The following SIGLEC8 variants were observed in gnomAD, a reference collection of about 807,000 sequenced individuals.
SIGLEC8 encodes sialic acid binding Ig like lectin 8, also known as sialic acid-binding Ig-like lectin 8.
A neutral mutation model predicts 42.1 loss-of-function variants in SIGLEC8; 32 were observed. That is an observed-to-expected ratio of 0.76 (90% CI 0.57 to 1.02). The LOEUF (loss-of-function observed/expected upper bound fraction) is 1.02, where lower values mean the gene tolerates loss of function less well. SIGLEC8 is among the 50% of genes least tolerant of loss of function. The pLI is 0.00. For synonymous variants in SIGLEC8, 262 were observed against 260.3 expected (o/e 1.01, Z -0.06); for missense variants, 611 against 610.2 (o/e 1.00, Z -0.01).
Position 51,457,475 on chromosome 19 carries a change from C to A in SIGLEC8, c.719G>T (p.Arg240Leu), listed in dbSNP as rs370112420. The A allele has an allele frequency of 5.0e-6, 8 of 1,613,696 alleles. No individual in the cohort carries two copies. Among genetic ancestry groups the A allele is most frequent in the Middle Eastern group, 3.5e-4 (2 of 5,714 alleles). The change falls in exon 2 of 7, where the codon CGC becomes CTC. Residue 240 changes from arginine (R) to leucine (L), a missense_variant. Coordinates refer to ENST00000321424, the MANE Select transcript of SIGLEC8 (RefSeq NM_014442.3). Reference sequence around the variant, plus strand: ...CCAGCACTCACAGGACACATCGAGGCGGACGGTACTGGTCGTGGTCACACC... The same window carrying A: ...CCAGCACTCACAGGACACATCGAGGAGGACGGTACTGGTCGTGGTCACACC... Reference protein sequence around the residue: ...GTGVTTTSTVRLDVSYPPWNL... With the variant: ...GTGVTTTSTVLLDVSYPPWNL...
intron 4 of SIGLEC8, among the ~76,000 whole-genome samples, chr19:51,455,101 T>C (rs1185183059): frequency 6.6e-6 from 1 of 152,240 alleles, no homozygotes; most frequent in African/African-American, 2.4e-5. Flanking sequence ...TTCTTTGGCT[T>C]CTTAAATTTG....
Position 51,454,159 on chromosome 19 carries a change from G to C in SIGLEC8, c.1245+60C>G. The C allele has an allele frequency of 1.9e-6, 3 of 1,608,422 alleles. No homozygotes were observed. Among genetic ancestry groups the C allele is most frequent in the Non-Finnish European group, 2.5e-6 (3 of 1,176,904 alleles). On this transcript the variant is annotated intron_variant, in intron 6 of 6. Transcript: ENST00000321424. The surrounding 1 kb of genome is among the most constrained non-coding windows in gnomAD (Gnocchi z 4.7). ...CATACCAAAGAGAGCGATCCTGGGG[G>C]CCATCCTGTCAGAGGTGTCCAGGCT...
Position 51,457,563 on chromosome 19 carries a change from G to T in SIGLEC8, c.631C>A (p.Leu211Ile). The T allele has an allele frequency of 1.9e-6, 3 of 1,613,972 alleles. No individual in the cohort carries two copies. Among genetic ancestry groups the T allele is most frequent in the Non-Finnish European group, 2.5e-6 (3 of 1,179,964 alleles). ...CCGTGGTCCTGGGGCTTTGGGGTAA[G>T]GGTGAGCACTGAGGAGCGGGCAGTA... ...PTTARSSVLTLTPKPQDHGTS... is the reference protein window; with the variant it reads ...PTTARSSVLTITPKPQDHGTS... The change falls in exon 2 of 7, where the codon CTT (leucine) becomes ATT (isoleucine). Residue 211 changes from leucine (L) to isoleucine (I), a missense_variant. Physicochemically the swap from Leu to Ile is conservative, Grantham distance 5 (BLOSUM62 2). Coordinates refer to ENST00000321424, the MANE Select transcript of SIGLEC8 (RefSeq NM_014442.3).
chr19:51,453,806 G>A (rs1181736359), intron 6 of SIGLEC8: 1 of 984,964 alleles, frequency 1.0e-6, no homozygotes, highest in African/African-American at 1.7e-5. Flanking sequence ...CATGATACCT[G>A]ACCTGGGGAA....
At chr19:51,457,839 T>G (rs1280535338) in intron 1 of SIGLEC8, 95 bp downstream of exon 1, 1 of 1,550,096 alleles carries the variant, frequency 6.5e-7, no homozygotes, top group Non-Finnish European at 8.8e-7. Context: ...GACCGACTTA[T>G]TTCAATCCCA....
At position 51,457,224 on chromosome 19, in the gene SIGLEC8, A is replaced by C; in HGVS notation, c.741T>G (p.Pro247=). The change falls in exon 3 of 7, where the codon CCT becomes CCG. Residue 247 remains proline (P), a synonymous_variant. Coordinates refer to ENST00000321424, the MANE Select transcript of SIGLEC8 (RefSeq NM_014442.3). ...GGAAGACAGTCATGGTCAAGTTCCA[A>C]GGAGGGTCTGGGACAGAAAGACATG... ...STVRLDVSYP[P]WNLTMTVFQG... is the part of the protein sequence containing the mutation. The C allele has an allele frequency of 6.2e-7, 1 of 1,613,722 alleles. No homozygotes were observed. The highest frequency in any genetic ancestry group is 1.1e-5 in the South Asian group (1 of 91,072).
At chr19:51,455,376 G>A (rs1989463853) in intron 4 of SIGLEC8, 42 bp downstream of exon 4, 1 of 1,603,024 alleles carries the variant, frequency 6.2e-7, no homozygotes, top group African/African-American at 1.3e-5. Context: ...CCATGAGGGT[G>A]GGGCAGGTGT....
chr19:51,457,280 AT>A (rs778149726), intron 2 of SIGLEC8, 49 bp from the exon 3 acceptor site: 2 of 1,574,788 alleles, frequency 1.3e-6, no homozygotes, highest in Non-Finnish European at 1.7e-6. Flanking sequence ...GACTGGGGAC[AT>A]TGGCCCTGTC....
In SIGLEC8 at chr19:51,458,049, G is replaced by A. The variant is rs990419882; in HGVS notation, c.339C>T (p.Asp113=). ...WSNDCSLSIR[D]ARKRDKGSYF... is the part of the protein sequence containing the mutation. ...ATGACCCCTTATCCCTCTTCCTGGC[G>A]TCTCTGATGCTCAGGGAGCAGTCGT... Residue 113 remains aspartate (D), a synonymous_variant, in exon 1 of 7, where the codon GAC becomes GAT. Transcript: ENST00000321424. The A allele has an allele frequency of 9.9e-6, 16 of 1,613,970 alleles. No homozygotes were observed. Among genetic ancestry groups the A allele is most frequent in the Admixed American group, 5.0e-5 (3 of 60,000 alleles).
rs758446627 is a variant in SIGLEC8 at position 51,455,656 on chromosome 19, A to G, written c.813T>C (p.Leu271=). The G allele has an allele frequency of 6.2e-6, 10 of 1,613,656 alleles. No individual in the cohort carries two copies. Among genetic ancestry groups the G allele is most frequent in the African/African-American group, 1.3e-5 (1 of 74,932 alleles). ...ASTALGNGSS[L]SVLEGQSLRL... ...GCAGAGACTGGCCCTCAAGGACTGAAAGAGATGAGCCATTTCCCAGGGCTG... is the reference window on the plus strand; with the variant it reads ...GCAGAGACTGGCCCTCAAGGACTGAGAGAGATGAGCCATTTCCCAGGGCTG... The change falls in exon 4 of 7, where the codon CTT becomes CTC. Residue 271 remains leucine (L), a synonymous_variant. Transcript: ENST00000321424.
Position 51,455,627 on chromosome 19 carries a change from A to G in SIGLEC8, c.842T>C (p.Leu281Pro). Reference sequence around the variant, plus strand: ...GGGATTGCTGTTGACAGCACAGACCAGGCGCAGAGACTGGCCCTCAAGGAC... The same window carrying G: ...GGGATTGCTGTTGACAGCACAGACCGGGCGCAGAGACTGGCCCTCAAGGAC... ...LSVLEGQSLR[L>P]VCAVNSNPPA... is the part of the protein sequence containing the mutation. Residue 281 changes from leucine to proline, a missense_variant, in exon 4 of 7, where the codon CTG becomes CCG. By Grantham distance (98) the Leu-to-Pro change is moderately conservative. Transcript: ENST00000321424. The G allele has an allele frequency of 6.2e-7, 1 of 1,614,124 alleles. No individual in the cohort carries two copies. Among genetic ancestry groups the G allele is most frequent in the Non-Finnish European group, 8.5e-7 (1 of 1,179,988 alleles).
In SIGLEC8 at chr19:51,454,710, G is replaced by A. The variant is rs776771195; in HGVS notation, c.1122C>T (p.Phe374=). 2.2e-5 allele frequency: 36 copies of A among 1,613,692 alleles called. No individual in the cohort carries two copies. The South Asian group carries it at 3.7e-4, about 17-fold the overall frequency. ...VGGAGATALA[F]LSFCIIFIIV... ...TGATGAAGATGATGCAGAAGGACAG[G>A]AAGGCCAGGGCTGTGGCTCCAGCTC... Residue 374 remains phenylalanine (F), a synonymous_variant, in exon 5 of 7, where the codon TTC becomes TTT. Transcript: ENST00000321424. This position sits in a 1 kb window ranked among gnomAD's most constrained non-coding sequence, Gnocchi z 4.7.
In SIGLEC8 at chr19:51,455,501, T is replaced by C; in HGVS notation, c.968A>G (p.Glu323Gly). 3.1e-6 allele frequency: 5 copies of C among 1,614,126 alleles called. No homozygotes were observed. Among genetic ancestry groups the C allele is most frequent in the Non-Finnish European group, 4.2e-6 (5 of 1,180,004 alleles). The stretch of plus-strand genomic sequence containing the variant: ...CTGAGCTCGGCAGGTGAATTCCCCT[T>C]CATCCCTCACGTGCACTCGAGGCAG... The part of the protein sequence containing the change: ...LELPRVHVRD[E>G]GEFTCRAQNA... Residue 323 changes from glutamate to glycine, a missense_variant, in exon 4 of 7, where the codon GAA becomes GGA. By Grantham distance (98) the Glu-to-Gly change is moderately conservative (BLOSUM62 -2). Coordinates refer to ENST00000321424, the MANE Select transcript of SIGLEC8 (RefSeq NM_014442.3).
In SIGLEC8 at chr19:51,457,215, C is replaced by G. The variant is rs535052244; in HGVS notation, c.750G>C (p.Leu250Phe). The G allele has an allele frequency of 1.4e-5, 23 of 1,613,786 alleles. No individual in the cohort carries two copies. Among genetic ancestry groups the G allele is most frequent in the Middle Eastern group, 3.3e-4 (2 of 6,050 alleles). The part of the protein sequence containing the change: ...RLDVSYPPWN[L>F]TMTVFQGDAT... ...CATCTCCTTGGAAGACAGTCATGGTCAAGTTCCAAGGAGGGTCTGGGACAG... is the reference window on the plus strand; with the variant it reads ...CATCTCCTTGGAAGACAGTCATGGTGAAGTTCCAAGGAGGGTCTGGGACAG... The change falls in exon 3 of 7, where the codon TTG becomes TTC. Residue 250 changes from leucine (L) to phenylalanine (F), a missense_variant. Coordinates refer to ENST00000321424, the MANE Select transcript of SIGLEC8 (RefSeq NM_014442.3).
Position 51,452,175 on chromosome 19 carries a change from C to G in SIGLEC8, c.*204G>C, listed in dbSNP as rs1989377546. The G allele has an allele frequency of 2.3e-6, 1 of 440,448 alleles. No homozygotes were observed. The highest frequency in any genetic ancestry group is 4.0e-6 in the Non-Finnish European group (1 of 247,468). The allele number at this position is 440,448 out of a possible 1,614,324, so 27.3% of individuals were successfully genotyped here. A position where few individuals can be genotyped will look rare whatever the true frequency, so the allele number is the denominator to read the frequency against. On this transcript the variant is annotated 3_prime_UTR_variant, in exon 7 of 7. Transcript: ENST00000321424. ...CACAGAGAGGCAAGTACCACATGAC[C>G]TCATCTCTATGTGGAATCTAAAATA...
intron 3 of SIGLEC8, 22 bp downstream of exon 3, chr19:51,457,162 C>T: frequency 1.2e-6 from 2 of 1,610,618 alleles, no homozygotes; most frequent in Non-Finnish European, 1.7e-6. Context: ...CCCCCAACCC[C>T]AGGGAGGGGG....
In SIGLEC8 at chr19:51,455,535, G is replaced by C. The variant is rs1989469102; in HGVS notation, c.934C>G (p.Leu312Val). ...ACGTGCACTCGAGGCAGCTCCAGCAGCCCAGGGTTTGAGGACCGTGAGGGG... is the reference window on the plus strand; with the variant it reads ...ACGTGCACTCGAGGCAGCTCCAGCACCCCAGGGTTTGAGGACCGTGAGGGG... Reference protein sequence around the residue: ...LCPSRSSNPGLLELPRVHVRD... With the variant: ...LCPSRSSNPGVLELPRVHVRD... Residue 312 changes from leucine to valine, a missense_variant, in exon 4 of 7, where the codon CTG becomes GTG. Transcript: ENST00000321424. 6.2e-7 allele frequency: 1 copy of C among 1,614,034 alleles called. No homozygotes were observed.
At chr19:51,453,393 G>T in intron 6 of SIGLEC8, 1 of 985,160 alleles carries the variant, frequency 1.0e-6, no homozygotes, top group South Asian at 4.7e-5. Context: ...GGCAACAAAT[G>T]ACTGTTAAAG....
At position 51,452,595 on chromosome 19, in the gene SIGLEC8, CA is replaced by C; in HGVS notation, c.1283del (p.Leu428ArgfsTer28). On this transcript the variant is annotated frameshift_variant, in exon 7 of 7. Coordinates refer to ENST00000321424, the MANE Select transcript of SIGLEC8 (RefSeq NM_014442.3). LOFTEE classifies it low-confidence loss of function (END_TRUNC). ...GGGCAACAGCTGGGGGAGGCTTCTT[CA>C]GGGGGTTGCCATCTTTCCAGGATTC... is the stretch of plus-strand genomic sequence containing the variant. ...LTESWKDGNP[L>X]KKPPPAVAPS... is the part of the protein sequence containing the mutation. 1 of 1,563,330 alleles carries C rather than the reference CA, an allele frequency of 6.4e-7. No homozygotes were observed. Among genetic ancestry groups the C allele is most frequent in the African/African-American group, 1.4e-5 (1 of 73,076 alleles).
Sources: gnomAD v4.1 joint callset for allele counts (sites outside exome capture counted in the v4.1 genomes callset) on GRCh38, gnomAD v4.1.1 for gene constraint, Gnocchi (gnomAD v3.1) non-coding constraint, MANE v1.5 for transcripts, NCBI Gene and HGNC (gene_info 2026-07-23, HGNC 2026-07-21) for gene names.